The following ZNF107 variants were observed in gnomAD, a reference collection of about 807,000 sequenced individuals.
ZNF107 encodes the protein C2H2 type zinc-finger protein.
ZNF107 carries 19 observed loss-of-function variants against 12.3 expected under a neutral mutation model. The ratio of observed to expected loss-of-function variants is 1.55; its 90% CI spans 1.08 to 2.27. The LOEUF (loss-of-function observed/expected upper bound fraction) is 2.27, where lower values mean the gene tolerates loss of function less well. ZNF107 is among the 30% of genes most tolerant of loss of function. The probability of loss-of-function intolerance (pLI) is 0.00; values close to 1 mark genes in which losing one functional copy is unlikely to be tolerated. For missense variants in ZNF107, 958 were observed against 979.9 expected (o/e 0.98, Z 0.30); for synonymous variants, 317 against 330.5 (o/e 0.96, Z 0.44).
intron 1 of ZNF107, among the ~76,000 whole-genome samples, chr7:64,672,145 T>TTG (rs1458035713): frequency 1.3e-5 from 2 of 152,060 alleles, no homozygotes; most frequent in Non-Finnish European, 2.9e-5. Flanking sequence ...GTTCCCCTCT[T>TTG]TGTGTCCATG....
intron 3 of ZNF107, among the ~76,000 whole-genome samples, chr7:64,699,401 T>C (rs1790395541): frequency 6.6e-6 from 1 of 152,118 alleles, no homozygotes; most frequent in Non-Finnish European, 1.5e-5. Flanking sequence ...ATGTATGATT[T>C]TGGTCTTCTT....
At chr7:64,703,754 A>G (rs907220948) in intron 3 of ZNF107, among the ~76,000 whole-genome samples, 4 of 152,116 alleles carry the variant, frequency 2.6e-5, no homozygotes, top group African/African-American at 9.7e-5. Context: ...GATTTTATAG[A>G]TATTTAAATA....
At chr7:64,689,275 A>C (rs1358455202) in intron 1 of ZNF107, 1 of 152,130 alleles carries the variant, frequency 6.6e-6, no homozygotes, top group Non-Finnish European at 1.5e-5. Flanking sequence ...GGAATTTACA[A>C]GACAGGGCCA....
At chr7:64,706,219 A>G in intron 3 of ZNF107, 105 bp from the exon 4 acceptor site, 1 of 1,081,366 alleles carries the variant, frequency 9.2e-7, no homozygotes, top group Non-Finnish European at 1.3e-6. Flanking sequence ...GTATTTTGCT[A>G]TGCAATCTGG....
Position 64,708,039 on chromosome 7 carries a change from C to T in ZNF107, c.1942C>T (p.Leu648Phe), listed in dbSNP as rs377177391. Residue 648 changes from leucine (L) to phenylalanine (F), a missense_variant, in exon 4 of 4, where the codon CTC becomes TTC. Leu to Phe is a conservative substitution (Grantham distance 22). Coordinates refer to ENST00000620827, the MANE Select transcript of ZNF107 (RefSeq NM_001282359.2). ...AAAGATAATTCATACTGGAGAGAAC[C>T]TCTACAAATTTGAAGAACATGGAAA... ...TQKIIHTGEN[L>F]YKFEEHGKAF... is the part of the protein sequence containing the mutation. 27 of 1,613,416 alleles carry T rather than the reference C, an allele frequency of 1.7e-5. 1 individual carries two copies. Among genetic ancestry groups the T allele is most frequent in the South Asian group, 7.7e-5 (7 of 91,028 alleles).
intron 1 of ZNF107, among the ~76,000 whole-genome samples, chr7:64,681,454 G>A (rs1174386726): frequency 6.6e-6 from 1 of 151,682 alleles, no homozygotes; most frequent in East Asian, 1.9e-4. Flanking sequence ...TAACAAAACT[G>A]TCTGCCTCCC....
intron 3 of ZNF107, among the ~76,000 whole-genome samples, chr7:64,706,009 G>C (rs1790628062): frequency 6.6e-6 from 1 of 151,122 alleles, no homozygotes; most frequent in East Asian, 1.9e-4. Flanking sequence ...ACTTCTAAAG[G>C]CACTATGTTA....
chr7:64,671,854 T>C (rs911095398), intron 1 of ZNF107, among the ~76,000 whole-genome samples: 24 of 148,560 alleles, frequency 1.6e-4, no homozygotes, highest in Non-Finnish European at 3.3e-4. Flanking sequence ...CGATCTCTGC[T>C]CACTGCAAGC....
At chr7:64,680,767 C>T (rs1222339230) in intron 1 of ZNF107, among the ~76,000 whole-genome samples, 3 of 152,172 alleles carry the variant, frequency 2.0e-5, no homozygotes, top group African/African-American at 7.2e-5. Flanking sequence ...TCAAACCCCA[C>T]AACAGGATTT....
At chr7:64,679,087 C>A (rs2128958316) in intron 1 of ZNF107, 1 of 320,212 alleles carries the variant, frequency 3.1e-6, no homozygotes, top group Non-Finnish European at 4.5e-6. Flanking sequence ...GAAGAGACGA[C>A]CCAAGCAGGC....
At position 64,709,417 on chromosome 7, in the gene ZNF107, C is replaced by G. The variant is rs1790811031; in HGVS notation, c.*761C>G. 2 of 342,300 alleles carry G rather than the reference C, an allele frequency of 5.8e-6. No homozygotes were observed. The highest frequency in any genetic ancestry group is 4.7e-5 in the South Asian group (2 of 42,852). 21.2% of individuals were successfully genotyped at this position (342,300 alleles called of 1,614,324 possible). A position where few individuals can be genotyped will look rare whatever the true frequency, so the allele number is the denominator to read the frequency against. The stretch of plus-strand genomic sequence containing the variant: ...TGTGGCAATACTTTAAACCAATCCT[C>G]AAACCTCACTAAACATAAGATAATA... On this transcript the variant is annotated 3_prime_UTR_variant, in exon 4 of 4. Transcript: ENST00000620827.
chr7:64,683,975 TC>T (rs1789795748), intron 1 of ZNF107, among the ~76,000 whole-genome samples: 1 of 152,144 alleles, frequency 6.6e-6, no homozygotes, highest in African/African-American at 2.4e-5. Flanking sequence ...CCTCCCTACT[TC>T]CATCCAATCT....
At chr7:64,672,414 TG>T (rs1789267073) in intron 1 of ZNF107, among the ~76,000 whole-genome samples, 7 of 152,274 alleles carry the variant, frequency 4.6e-5, no homozygotes, top group African/African-American at 1.4e-4. Context: ...TGAAGTGCAG[TG>T]GTGTGATCTT....
At position 64,709,505 on chromosome 7, in the gene ZNF107, C is replaced by A; in HGVS notation, c.*849C>A. On this transcript the variant is annotated 3_prime_UTR_variant, in exon 4 of 4. Transcript: ENST00000620827. ...TTTGACAACACCTCGAACTTTCTAA[C>A]ATAAATCATACTGGTGAAAAATCCT... 2.9e-6 allele frequency: 1 copy of A among 349,816 alleles called. No homozygotes were observed. 21.7% of individuals were successfully genotyped at this position (349,816 alleles called of 1,614,324 possible).
At chr7:64,694,096 G>T (rs1458441193) in intron 3 of ZNF107, among the ~76,000 whole-genome samples, 1 of 152,164 alleles carries the variant, frequency 6.6e-6, no homozygotes. Flanking sequence ...CCACTGTGTG[G>T]GTTTCTATGT....
chr7:64,709,749 A>C lies in ZNF107; in HGVS notation c.*1093A>C, dbSNP rs1047619344. On this transcript the variant is annotated 3_prime_UTR_variant, in exon 4 of 4. Transcript: ENST00000620827. ...TTATTATCTGCTCAGATTTTACTCA[A>C]CATTAGAGAGTTAGTACGTAATAAA... 40 of 455,308 alleles carry C rather than the reference A, an allele frequency of 8.8e-5. No individual in the cohort carries two copies. The highest frequency in any genetic ancestry group is 7.8e-4 in the African/African-American group (39 of 50,036). The allele number at this position is 455,308 out of a possible 1,614,324, so 28.2% of individuals were successfully genotyped here.
rs143520591 is a variant in ZNF107, at chr7:64,676,014, G to C, written c.3+9729G>C. Among the ~76,000 whole-genome samples the C allele has an allele frequency of 2.7e-3, 407 of 152,192 alleles. 12 individuals carry two copies. In the East Asian group the frequency reaches 0.072, roughly 27 times the overall value. On this transcript the variant is annotated intron_variant, in intron 1 of 3. Coordinates refer to ENST00000620827, the MANE Select transcript of ZNF107 (RefSeq NM_001282359.2). ...TTACAGGCATGCACCACCACGCCCG[G>C]CTAATTTTTGTATATTTAATAGAGG...
At chr7:64,703,932 A>G (rs1407760599) in intron 3 of ZNF107, among the ~76,000 whole-genome samples, 8 of 151,174 alleles carry the variant, frequency 5.3e-5, no homozygotes, top group African/African-American at 9.7e-5. Flanking sequence ...TTGGTTTTGT[A>G]TATCTACACA....
intron 1 of ZNF107, among the ~76,000 whole-genome samples, chr7:64,681,061 A>C (rs1440208025): frequency 4.6e-5 from 7 of 151,984 alleles, no homozygotes; most frequent in Admixed American, 3.9e-4. Flanking sequence ...AGACTGTCCA[A>C]CTCAAGCTGC....
Sources: allele counts gnomAD v4.1 joint callset (sites outside exome capture counted in the v4.1 genomes callset), GRCh38; gene constraint gnomAD v4.1.1; transcripts MANE v1.5; gene names NCBI Gene and HGNC (gene_info 2026-07-23, HGNC 2026-07-21).